Variants in DGKI observed in about 807,000 individuals in gnomAD.
DGKI encodes DAG kinase iota.
DGKI carries 55 observed loss-of-function variants against 147.5 expected under a neutral mutation model. The observed-to-expected ratio is 0.37, with a 90% CI of 0.30 to 0.47. DGKI has a LOEUF of 0.47. Ranked by LOEUF, DGKI falls within the 20% of genes least tolerant of loss-of-function variation. The pLI, the probability that DGKI is intolerant of heterozygous loss-of-function variation, is 1.00. For missense variants in DGKI, 1,007 were observed against 1,323.8 expected, an observed-to-expected ratio of 0.76 and a Z score of 3.71; for synonymous variants, 469 against 477.1, an observed-to-expected ratio of 0.98 and a Z score of 0.22.
intron 20 of DGKI, 88 bp downstream of exon 20, chr7:137,552,281 A>C: frequency 6.9e-7 from 1 of 1,440,546 alleles, no homozygotes; most frequent in Non-Finnish European, 9.6e-7. Flanking sequence ...TCTTCCCAAC[A>C]CAGTGAGGTC....
At chr7:137,602,991 G>A (rs191122074) in intron 10 of DGKI, among the ~76,000 whole-genome samples, 1 of 151,970 alleles carries the variant, frequency 6.6e-6, no homozygotes, top group Non-Finnish European at 1.5e-5. Flanking sequence ...TATAAGAATG[G>A]GTATTCCTAA....
chr7:137,394,599 G>A (rs1031775391), intron 32 of DGKI, among the ~76,000 whole-genome samples: 2 of 152,172 alleles, frequency 1.3e-5, no homozygotes, highest in African/African-American at 2.4e-5. Flanking sequence ...CCTAAACAGA[G>A]TTTCCCCTAA....
chr7:137,763,210 C>T (rs1202483866), intron 1 of DGKI, among the ~76,000 whole-genome samples: 1 of 152,212 alleles, frequency 6.6e-6, no homozygotes, highest in Non-Finnish European at 1.5e-5. Flanking sequence ...CAAATGTCTG[C>T]CTGCCTGTGA....
chr7:137,690,369 G>A (rs914209622), intron 1 of DGKI, among the ~76,000 whole-genome samples: 85 of 152,128 alleles, frequency 5.6e-4, no homozygotes, highest in African/African-American at 2.1e-3. Flanking sequence ...GATTGCCAGC[G>A]ACTAAAAGCA....
At chr7:137,495,132 A>G (rs1340641086) in intron 21 of DGKI, among the ~76,000 whole-genome samples, 1 of 152,112 alleles carries the variant, frequency 6.6e-6, no homozygotes, top group African/African-American at 2.4e-5. Flanking sequence ...CCCCACAGAA[A>G]TATAAAACAC....
At chr7:137,436,889 G>A (rs961759437) in intron 28 of DGKI, among the ~76,000 whole-genome samples, 2 of 151,758 alleles carry the variant, frequency 1.3e-5, no homozygotes, top group Non-Finnish European at 2.9e-5. Context: ...CAGACCAAGG[G>A]GAAAAAAATT....
At chr7:137,605,891 G>C (rs1451970522) in intron 10 of DGKI, among the ~76,000 whole-genome samples, 1 of 152,178 alleles carries the variant, frequency 6.6e-6, no homozygotes, top group African/African-American at 2.4e-5. Flanking sequence ...AGGTTCTAGT[G>C]TTTGCACAGT....
intron 1 of DGKI, among the ~76,000 whole-genome samples, chr7:137,729,421 C>T (rs572146856): frequency 6.6e-6 from 1 of 152,234 alleles, no homozygotes; most frequent in Non-Finnish European, 1.5e-5. Context: ...GAAATAAGGG[C>T]ATCTGCTTTG....
In DGKI at chr7:137,799,938, T is replaced by A. The variant is rs572748192; in HGVS notation, c.401+46524A>T. On this transcript the variant is annotated intron_variant, in intron 1 of 32. Coordinates refer to ENST00000614521, the MANE Select transcript of DGKI (RefSeq NM_001321708.2). ...TTCTATGCTAACTTTAAGTATTTAA[T>A]GGCATTAGAAATCACCTGATTCAGT... 3.3e-5 allele frequency among the ~76,000 whole-genome samples: 5 copies of A among 152,342 alleles called. No individual in the cohort carries two copies. In the East Asian group the frequency reaches 9.6e-4, roughly 29 times the overall value.
intron 20 of DGKI, among the ~76,000 whole-genome samples, chr7:137,532,522 A>G (rs1817375411): frequency 6.6e-6 from 1 of 152,190 alleles, no homozygotes; most frequent in Admixed American, 6.5e-5. Context: ...TTGCTTGCCA[A>G]GGTCCTCAAT....
chr7:137,411,379 C>A (rs1812158147), intron 29 of DGKI, among the ~76,000 whole-genome samples: 1 of 152,180 alleles, frequency 6.6e-6, no homozygotes, highest in Admixed American at 6.5e-5. Context: ...AAACACAGAT[C>A]TACACTATCA....
chr7:137,769,517 A>G (rs1369175833), intron 1 of DGKI, among the ~76,000 whole-genome samples: 1 of 152,242 alleles, frequency 6.6e-6, no homozygotes, highest in Non-Finnish European at 1.5e-5. Flanking sequence ...CAGCAAAAGA[A>G]ACTACCATCA....
chr7:137,571,229 A>C lies in DGKI; in HGVS notation c.1893T>G (p.Pro631=), dbSNP rs1041967980. The change falls in exon 19 of 33, where the codon CCT becomes CCG. Residue 631 remains proline, a synonymous_variant. Coordinates refer to ENST00000614521, the MANE Select transcript of DGKI (RefSeq NM_001321708.2). ...CAATATAACCATCATCATGACGCTGAGGTTCGAAATCATGGTGATCACCTG... is the reference window on the plus strand; with the variant it reads ...CAATATAACCATCATCATGACGCTGCGGTTCGAAATCATGGTGATCACCTG... ...GNPGDHHDFE[P]QRHDDGYIEV... 2 of 1,613,288 alleles carry C rather than the reference A, an allele frequency of 1.2e-6. No homozygotes were observed. The highest frequency in any genetic ancestry group is 1.6e-4 in the Middle Eastern group (1 of 6,062).
chr7:137,625,350 C>G (rs1401748430), intron 6 of DGKI, among the ~76,000 whole-genome samples: 1 of 151,932 alleles, frequency 6.6e-6, no homozygotes, highest in African/African-American at 2.4e-5. Context: ...ATCCCAGCTA[C>G]TCGGGAGGCT....
In DGKI at chr7:137,696,904, A is replaced by T. The variant is rs563221486; in HGVS notation, c.402-6902T>A. 1.8e-4 allele frequency among the ~76,000 whole-genome samples: 28 copies of T among 152,152 alleles called. 1 individual carries two copies. Among genetic ancestry groups the T allele is most frequent in the Non-Finnish European group, 3.7e-4 (25 of 68,022 alleles). On this transcript the variant is annotated intron_variant, in intron 1 of 32. Transcript: ENST00000614521. ...ACCTAATATGACTGTGTCTTTATAA[A>T]AAGGGGAGATTTGGACCCAGACACA...
Position 137,846,935 on chromosome 7 carries a change from C to T in DGKI, c.-73G>A, listed in dbSNP as rs1202260365. Reference sequence around the variant, plus strand: ...CCCGCCCCGGCCAATCAGAGGCCGCCGCTCCCCGCCTCCCGCGCCCTCCCG... The same window carrying T: ...CCCGCCCCGGCCAATCAGAGGCCGCTGCTCCCCGCCTCCCGCGCCCTCCCG... On this transcript the variant is annotated 5_prime_UTR_variant, in exon 1 of 33. Transcript: ENST00000614521. This position sits in a 1 kb window ranked among gnomAD's most constrained non-coding sequence, Gnocchi z 4.0. The T allele has an allele frequency of 3.9e-6, 4 of 1,026,150 alleles. No individual in the cohort carries two copies. The African/African-American group carries it at 5.2e-5, about 13-fold the overall frequency. 63.6% of individuals were successfully genotyped at this position (1,026,150 alleles called of 1,614,324 possible). A position where few individuals can be genotyped will look rare whatever the true frequency, so the allele number is the denominator to read the frequency against.
At chr7:137,499,750 T>C (rs1241876489) in intron 21 of DGKI, among the ~76,000 whole-genome samples, 1 of 152,104 alleles carries the variant, frequency 6.6e-6, no homozygotes, top group Non-Finnish European at 1.5e-5. Context: ...ACCACTGGCT[T>C]TCCTGGTCCT....
intron 3 of DGKI, among the ~76,000 whole-genome samples, chr7:137,665,496 C>T (rs3778794): frequency 6.6e-6 from 1 of 151,948 alleles, no homozygotes; most frequent in Non-Finnish European, 1.5e-5. Context: ...AATTGCCTCT[C>T]GAGTACCGCA....
chr7:137,761,477 G>A (rs1795854513), intron 1 of DGKI, among the ~76,000 whole-genome samples: 1 of 152,190 alleles, frequency 6.6e-6, no homozygotes, highest in Non-Finnish European at 1.5e-5. Flanking sequence ...AACCACAGCA[G>A]TGCTCACTCA....
Sources: allele counts gnomAD v4.1 joint callset (sites outside exome capture counted in the v4.1 genomes callset), GRCh38; gene constraint gnomAD v4.1.1; non-coding constraint Gnocchi (gnomAD v3.1); transcripts MANE v1.5; gene names NCBI Gene and HGNC (gene_info 2026-07-23, HGNC 2026-07-21).